FAM186A: variants seen among roughly 807,000 people sequenced by gnomAD.
The protein encoded by FAM186A is protein FAM186A.
FAM186A carries 163 observed loss-of-function variants against 216.8 expected under a neutral mutation model. The observed-to-expected ratio is 0.75, with a 90% CI of 0.66 to 0.86. The LOEUF is 0.86. Among genes scored for constraint, FAM186A ranks in the 40% least tolerant of loss-of-function variants. FAM186A has a pLI of 0.00. For missense variants in FAM186A, 2,184 were observed against 2,746.2 expected (o/e 0.80, Z 4.58); for synonymous variants, 805 against 1,025.3 (o/e 0.79, Z 4.10).
At chr12:50,365,785 G>A in intron 1 of FAM186A, 3 of 756,278 alleles carry the variant, frequency 4.0e-6, no homozygotes, top group Non-Finnish European at 7.3e-6. Flanking sequence ...TACAACATGT[G>A]ATCCGTGCCC....
chr12:50,376,171 T>G (rs542125414), intron 1 of FAM186A, among the ~76,000 whole-genome samples: 2 of 152,242 alleles, frequency 1.3e-5, no homozygotes, highest in South Asian at 4.1e-4. Context: ...CTCAGAAGGA[T>G]CACCACTTTT....
At chr12:50,359,888 T>C (rs892958128) in intron 3 of FAM186A, among the ~76,000 whole-genome samples, 1 of 152,160 alleles carries the variant, frequency 6.6e-6, no homozygotes, top group Non-Finnish European at 1.5e-5. Context: ...TGCTGATGGG[T>C]AAAAGGACTG....
chr12:50,388,343 G>A (rs1286162053), intron 1 of FAM186A, among the ~76,000 whole-genome samples: 1 of 152,172 alleles, frequency 6.6e-6, no homozygotes. Flanking sequence ...AGCCAGGCGG[G>A]CGCAGTGGCT....
chr12:50,340,015 T>C (rs1488484931), intron 4 of FAM186A, among the ~76,000 whole-genome samples: 1 of 152,090 alleles, frequency 6.6e-6, no homozygotes, highest in Non-Finnish European at 1.5e-5. Context: ...TTTTTTTATT[T>C]TTAGTAGAGA....
intron 1 of FAM186A, among the ~76,000 whole-genome samples, chr12:50,363,782 A>C (rs1943060045): frequency 6.6e-6 from 1 of 151,548 alleles, no homozygotes; most frequent in Non-Finnish European, 1.5e-5. Flanking sequence ...AGAAAGAAAG[A>C]AAGAAAAAGA....
At chr12:50,345,016 C>T (rs1041348762) in intron 4 of FAM186A, among the ~76,000 whole-genome samples, 7 of 152,074 alleles carry the variant, frequency 4.6e-5, no homozygotes, top group African/African-American at 9.7e-5. Context: ...CTGTGTGAGG[C>T]GAAGGCGGGT....
At chr12:50,340,899 C>T (rs768879554) in intron 4 of FAM186A, among the ~76,000 whole-genome samples, 7 of 151,466 alleles carry the variant, frequency 4.6e-5, no homozygotes, top group African/African-American at 7.3e-5. Flanking sequence ...CGAGTTCAAG[C>T]GATTATCCTG....
chr12:50,331,807 A>G lies in FAM186A; in HGVS notation c.6711T>C (p.His2237=), dbSNP rs1246217515. 5 of 1,529,338 alleles carry G rather than the reference A, an allele frequency of 3.3e-6. No homozygotes were observed. In the African/African-American group the frequency reaches 4.2e-5, roughly 13 times the overall value. The allele number at this position is 1,529,338 out of a possible 1,614,324, so 94.7% of individuals were successfully genotyped here. The change falls in exon 6 of 8, where the codon CAT becomes CAC. Residue 2237 remains histidine (H), a synonymous_variant. Transcript: ENST00000327337. ...GGATAGGTTGACTAAGATTCAATTC[A>G]TGTATCTTTTTGAGCTATAAAAAAA... ...IHVFNQLKKI[H]ELNLSQPIPL...
intron 2 of FAM186A, among the ~76,000 whole-genome samples, chr12:50,361,759 TG>T (rs1943038163): frequency 7.4e-6 from 1 of 135,996 alleles, no homozygotes; most frequent in South Asian, 2.4e-4. Context: ...TTAGTAGAGA[TG>T]GAGTTTCACC....
chr12:50,350,373 G>C lies in FAM186A; in HGVS notation c.6459C>G (p.Tyr2153Ter). ...TATAGGCAATGTACTTGCGGAATAAGTATCCCAACTGAACTGTGTCCATAT... is the reference window on the plus strand; with the variant it reads ...TATAGGCAATGTACTTGCGGAATAACTATCCCAACTGAACTGTGTCCATAT... ...ILHMDTVQLG[Y>*]LFRKYIAYRL... Residue 2153 changes from tyrosine (Y) to a stop codon, truncating the protein, a stop_gained, in exon 4 of 8, where the codon TAC (tyrosine) becomes TAG (stop). Coordinates refer to ENST00000327337, the MANE Select transcript of FAM186A (RefSeq NM_001145475.3). LOFTEE classifies it high-confidence loss of function. The C allele has an allele frequency of 6.4e-7, 1 of 1,550,896 alleles. No homozygotes were observed. Among genetic ancestry groups the C allele is most frequent in the East Asian group, 2.4e-5 (1 of 40,888 alleles).
In FAM186A at chr12:50,331,734, G is replaced by T. The variant is rs199775951; in HGVS notation, c.6784C>A (p.Gln2262Lys). ...ATTAGTAATTTTAAGAATGGCTTTT[G>T]AACAAATGTGGTAGAGGCAGGTATC... ...KQIPASTTFV[Q>K]KPFLKLLMEE... Residue 2262 changes from glutamine to lysine, a missense_variant, in exon 6 of 8, where the codon CAA (glutamine) becomes AAA (lysine). Gln to Lys is a moderately conservative substitution (Grantham distance 53). This residue lies in a region of FAM186A where 721 missense variants were observed against 816.4 expected (regional missense o/e 0.88). Transcript: ENST00000327337. 6.5e-6 allele frequency: 10 copies of T among 1,549,570 alleles called. No individual in the cohort carries two copies. The African/African-American group carries it at 1.4e-4, about 21-fold the overall frequency.
intron 3 of FAM186A, among the ~76,000 whole-genome samples, chr12:50,356,626 T>C (rs1942979841): frequency 1.3e-5 from 2 of 152,196 alleles, no homozygotes; most frequent in Non-Finnish European, 2.9e-5. Flanking sequence ...CTAGAACTTC[T>C]GCCTCCAGAG....
At chr12:50,340,468 G>C (rs1334337734) in intron 4 of FAM186A, among the ~76,000 whole-genome samples, 1 of 152,070 alleles carries the variant, frequency 6.6e-6, no homozygotes, top group Non-Finnish European at 1.5e-5. Context: ...CCAGTAGCTT[G>C]AGAGGCCAAG....
At chr12:50,334,806 C>G (rs1000013187) in intron 4 of FAM186A, among the ~76,000 whole-genome samples, 1 of 152,022 alleles carries the variant, frequency 6.6e-6, no homozygotes, top group African/African-American at 2.4e-5. Flanking sequence ...ATTCTCTCAT[C>G]ATCCCCAGTA....
chr12:50,363,417 T>A, intron 1 of FAM186A, 53 bp from the exon 2 acceptor site: 1 of 1,424,044 alleles, frequency 7.0e-7, no homozygotes, highest in Non-Finnish European at 9.5e-7. Flanking sequence ...AAAGAAGCTT[T>A]GGTCATCTTT....
chr12:50,354,056 C>T lies in FAM186A; in HGVS notation c.2776G>A (p.Glu926Lys). Residue 926 changes from glutamate to lysine, a missense_variant, in exon 4 of 8, where the codon GAA (glutamate) becomes AAA (lysine). Glu to Lys is a moderately conservative substitution (Grantham distance 56). Around this residue, in one of 7 missense-constraint regions of FAM186A, gnomAD observed 1,132 missense variants for 1,263.4 expected, o/e 0.90. Transcript: ENST00000327337. ...ELPKSSLQRL[E>K]EGTQKMKTQG... is the part of the protein sequence containing the mutation. ...GTTTTCATTTTTTGGGTCCCTTCTT[C>T]CAGCCGCTGCAGGCTTGACTTTGGA... is the stretch of plus-strand genomic sequence containing the variant. 1.9e-6 allele frequency: 3 copies of T among 1,551,706 alleles called. No homozygotes were observed. Among genetic ancestry groups the T allele is most frequent in the Non-Finnish European group, 2.6e-6 (3 of 1,147,002 alleles).
In FAM186A at chr12:50,354,344, C is replaced by T. The variant is rs201058635; in HGVS notation, c.2488G>A (p.Gly830Ser). Residue 830 changes from glycine to serine, a missense_variant, in exon 4 of 8, where the codon GGT becomes AGT. Around this residue, in one of 7 missense-constraint regions of FAM186A, gnomAD observed 1,132 missense variants for 1,263.4 expected, o/e 0.90. Transcript: ENST00000327337. The stretch of plus-strand genomic sequence containing the variant: ...CTCATGCCAGACATTTGTTCTTGAC[C>T]CTCTTGCAAATATTGCTCCTGCCTT... Reference protein sequence around the residue: ...KQRQEQYLQEGQEQMSGMSLK... With the variant: ...KQRQEQYLQESQEQMSGMSLK... 2,936 of 1,551,620 alleles carry T rather than the reference C, an allele frequency of 1.9e-3. 5 individuals carry two copies. The highest frequency in any genetic ancestry group is 2.8e-3 in the Middle Eastern group (17 of 5,994).
chr12:50,363,305 A>G lies in FAM186A; in HGVS notation c.252T>C (p.Tyr84=). The G allele has an allele frequency of 6.4e-7, 1 of 1,551,534 alleles. No individual in the cohort carries two copies. The highest frequency in any genetic ancestry group is 8.7e-7 in the Non-Finnish European group (1 of 1,146,946). ...MNNVHRIMTR[Y]TLVFNSSSER... ...CAGAGGACGAGTTAAAAACAAGAGT[A>G]TAGCGAGTCATTATCCGATGCACAT... Residue 84 remains tyrosine (Y), a synonymous_variant, in exon 2 of 8, where the codon TAT becomes TAC. Coordinates refer to ENST00000327337, the MANE Select transcript of FAM186A (RefSeq NM_001145475.3).
intron 1 of FAM186A, among the ~76,000 whole-genome samples, chr12:50,380,888 G>A (rs1000178221): frequency 1.3e-5 from 2 of 152,214 alleles, no homozygotes; most frequent in African/African-American, 2.4e-5. Context: ...CAGGCATGGA[G>A]TGGCGAGGGG....
Sources: allele counts gnomAD v4.1 joint callset (sites outside exome capture counted in the v4.1 genomes callset), GRCh38; gene constraint gnomAD v4.1.1; regional missense constraint gnomAD v4.1.1; transcripts MANE v1.5; gene names NCBI Gene and HGNC (gene_info 2026-07-23, HGNC 2026-07-21).